Variants in WASHC3 observed in about 807,000 individuals in gnomAD.
The protein encoded by WASHC3 is WASH complex subunit CCDC53.
WASHC3 carries 24 observed loss-of-function variants against 26.1 expected under a neutral mutation model. That is an observed-to-expected ratio of 0.92 (90% CI 0.66 to 1.29). The LOEUF (loss-of-function observed/expected upper bound fraction) is 1.29, where lower values mean the gene tolerates loss of function less well. Among genes scored for constraint, WASHC3 ranks in the 50% most tolerant of loss-of-function variants. The probability of loss-of-function intolerance (pLI) is 0.00; values close to 1 mark genes in which losing one functional copy is unlikely to be tolerated. For synonymous variants in WASHC3, 77 were observed against 75.7 expected, an observed-to-expected ratio of 1.02 and a Z score of -0.09; for missense variants, 214 against 229.6, an observed-to-expected ratio of 0.93 and a Z score of 0.44.
At chr12:102,055,294 G>A (rs1878550040) in intron 2 of WASHC3, among the ~76,000 whole-genome samples, 1 of 152,190 alleles carries the variant, frequency 6.6e-6, no homozygotes, top group African/African-American at 2.4e-5. Flanking sequence ...AAATGCTAAT[G>A]AACTTAAGGT....
chr12:102,062,103 C>A, upstream of WASHC3: 1 of 654,798 alleles, frequency 1.5e-6, no homozygotes. Context: ...CTTCTCCGCT[C>A]ACTAATCACT....
chr12:102,033,436 T>C (rs1877516862), intron 5 of WASHC3, among the ~76,000 whole-genome samples: 1 of 152,152 alleles, frequency 6.6e-6, no homozygotes, highest in African/African-American at 2.4e-5. Flanking sequence ...TGAGGAGCTA[T>C]GTATCAAGAT....
chr12:102,033,114 A>C (rs996638016), intron 5 of WASHC3, among the ~76,000 whole-genome samples: 4 of 151,752 alleles, frequency 2.6e-5, no homozygotes, highest in Non-Finnish European at 5.9e-5. Flanking sequence ...TATAAAAGCA[A>C]GGCATTCCAG....
intron 6 of WASHC3, among the ~76,000 whole-genome samples, chr12:102,025,654 A>T (rs1475024711): frequency 2.7e-5 from 4 of 150,100 alleles, no homozygotes; most frequent in African/African-American, 9.8e-5. Context: ...ACAAAAAAAC[A>T]ATCAAGCCAA....
rs115261004 is a variant in WASHC3 at position 102,044,683 on chromosome 12, A to C, written c.217-471T>G. On this transcript the variant is annotated intron_variant, in intron 3 of 6. Coordinates refer to ENST00000240079, the MANE Select transcript of WASHC3 (RefSeq NM_016053.4). ...GTTTCAATTATCTAGGATATGACAA[A>C]ACTCTTGTCTTTACACTTTAATGTG... Among the ~76,000 whole-genome samples the C allele has an allele frequency of 1.4e-3, 207 of 152,328 alleles. 1 individual carries two copies. The highest frequency in any genetic ancestry group is 4.8e-3 in the African/African-American group (198 of 41,576).
rs60815635 is a variant in WASHC3, at chr12:102,034,781, AGTGTGTGTGTGT to A, written c.435+5075_435+5086del. On this transcript the variant is annotated intron_variant, in intron 5 of 6. Coordinates refer to ENST00000240079, the MANE Select transcript of WASHC3 (RefSeq NM_016053.4). ...AAACAAATCCAATAGCCTAAAAAAA[AGTGTGTGTGTGT>A]GTGTGTGTGTGTGTGTGTGTGTGAG... Among the ~76,000 whole-genome samples, 158 of 146,170 alleles carry A rather than the reference AGTGTGTGTGTGT, an allele frequency of 1.1e-3. No homozygotes were observed. The East Asian group carries it at 0.029, about 27-fold the overall frequency.
intron 5 of WASHC3, among the ~76,000 whole-genome samples, chr12:102,036,828 G>C (rs183799429): frequency 4.0e-4 from 61 of 152,242 alleles, no homozygotes; most frequent in Admixed American, 8.5e-4. Context: ...GAAACAGTCT[G>C]AGGCAGAAGA....
intron 5 of WASHC3, among the ~76,000 whole-genome samples, chr12:102,038,608 G>A (rs1263202358): frequency 3.3e-5 from 5 of 152,082 alleles, no homozygotes; most frequent in African/African-American, 7.2e-5. Context: ...CTTTAAAAAC[G>A]TGTTCATCAT....
At chr12:102,056,983 A>G (rs1343334993) in intron 2 of WASHC3, among the ~76,000 whole-genome samples, 1 of 152,208 alleles carries the variant, frequency 6.6e-6, no homozygotes, top group Non-Finnish European at 1.5e-5. Context: ...TCAAAGGTCA[A>G]TATCCCCAGT....
At chr12:102,013,567 C>A (rs1876573807) in intron 6 of WASHC3, among the ~76,000 whole-genome samples, 1 of 151,894 alleles carries the variant, frequency 6.6e-6, no homozygotes, top group African/African-American at 2.4e-5. Context: ...GAAAGGAAAG[C>A]TAGAAATGAA....
chr12:102,062,067 C>T (rs112647145), upstream of WASHC3: 3 of 948,114 alleles, frequency 3.2e-6, no homozygotes, highest in African/African-American at 3.3e-5. Flanking sequence ...GTGCCCGCCT[C>T]CGGGGCCCTT....
intron 6 of WASHC3, 50 bp from the exon 7 acceptor site, chr12:102,013,242 G>C: frequency 3.4e-6 from 3 of 891,810 alleles, no homozygotes; most frequent in Non-Finnish European, 5.3e-6. Flanking sequence ...ATTGAAAAGA[G>C]CACTTACAAA....
At chr12:102,055,404 G>A (rs1384858417) in intron 2 of WASHC3, among the ~76,000 whole-genome samples, 2 of 152,134 alleles carry the variant, frequency 1.3e-5, no homozygotes, top group Non-Finnish European at 2.9e-5. Flanking sequence ...GGAGTGCAAT[G>A]GCGCAATCTT....
At chr12:102,036,606 T>C (rs1036656789) in intron 5 of WASHC3, among the ~76,000 whole-genome samples, 1 of 152,116 alleles carries the variant, frequency 6.6e-6, no homozygotes, top group African/African-American at 2.4e-5. Context: ...AAGAGGCATA[T>C]ATGAACCAAT....
chr12:102,055,275 T>G (rs1878548521), intron 2 of WASHC3, among the ~76,000 whole-genome samples: 1 of 152,230 alleles, frequency 6.6e-6, no homozygotes, highest in African/African-American at 2.4e-5. Context: ...TGCAGCTCAG[T>G]GACGTTATAA....
intron 5 of WASHC3, among the ~76,000 whole-genome samples, chr12:102,036,406 T>C (rs1877664875): frequency 7.5e-6 from 1 of 133,590 alleles, no homozygotes; most frequent in Non-Finnish European, 1.6e-5. Flanking sequence ...CAGGGAGCAA[T>C]AGGAAATAAA....
At chr12:102,050,453 AACACACACACACACACACAC>A (rs58251617) in intron 2 of WASHC3, 22 of 333,898 alleles carry the variant, frequency 6.6e-5, no homozygotes, top group African/African-American at 9.6e-5. Flanking sequence ...TGCCATCTCT[AACACACACACACACACACAC>A]ACACACACAC....
At chr12:102,014,872 T>C (rs1250004682) in intron 6 of WASHC3, among the ~76,000 whole-genome samples, 1 of 152,240 alleles carries the variant, frequency 6.6e-6, no homozygotes, top group African/African-American at 2.4e-5. Context: ...ATTTGATTTC[T>C]TACTGTCTAT....
intron 2 of WASHC3, among the ~76,000 whole-genome samples, chr12:102,058,188 A>G (rs914050758): frequency 3.9e-4 from 59 of 152,266 alleles, no homozygotes; most frequent in African/African-American, 1.4e-3. Context: ...TCAATAAATC[A>G]TTTTGGGACA....
Sources: allele counts gnomAD v4.1 joint callset (sites outside exome capture counted in the v4.1 genomes callset), GRCh38; gene constraint gnomAD v4.1.1; transcripts MANE v1.5; gene names NCBI Gene and HGNC (gene_info 2026-07-23, HGNC 2026-07-21).